The following DENND2A variants were observed in gnomAD, a reference collection of about 807,000 sequenced individuals.
The protein encoded by DENND2A is DENN domain containing 2A.
In DENND2A, 53 loss-of-function variants were observed where a neutral mutation model predicts 105.3. That is an observed-to-expected ratio of 0.50 (90% confidence interval 0.40 to 0.63). The LOEUF (loss-of-function observed/expected upper bound fraction) is 0.63, where lower values mean the gene tolerates loss of function less well. DENND2A is among the 30% of genes least tolerant of loss of function. The probability of loss-of-function intolerance (pLI) is 0.00; values close to 1 mark genes in which losing one functional copy is unlikely to be tolerated. For synonymous variants in DENND2A, 522 were observed against 508.4 expected (o/e 1.03, Z -0.36); for missense variants, 1,138 against 1,279.6 (o/e 0.89, Z 1.69).
At chr7:140,637,138 C>T (rs780826726) in intron 1 of DENND2A, among the ~76,000 whole-genome samples, 21 of 152,064 alleles carry the variant, frequency 1.4e-4, no homozygotes, top group Non-Finnish European at 2.8e-4. Context: ...GCGTAGGCCA[C>T]TGTGCCTGGC....
At chr7:140,619,794 C>T (rs1001229070) in intron 1 of DENND2A, among the ~76,000 whole-genome samples, 2 of 151,956 alleles carry the variant, frequency 1.3e-5, no homozygotes, top group African/African-American at 4.8e-5. Flanking sequence ...GCCACTGCAC[C>T]CAGCCAAAAC....
chr7:140,553,323 A>G (rs552520563), intron 12 of DENND2A, among the ~76,000 whole-genome samples: 3 of 152,352 alleles, frequency 2.0e-5, no homozygotes, highest in African/African-American at 7.2e-5. Context: ...AAACATCTCA[A>G]TGCTTTACAA....
chr7:140,551,084 T>TGA (rs1298521518), intron 12 of DENND2A, among the ~76,000 whole-genome samples: 2 of 151,386 alleles, frequency 1.3e-5, no homozygotes, highest in Non-Finnish European at 2.9e-5. Flanking sequence ...GCAGATCACC[T>TGA]GAGGTCAAGA....
intron 4 of DENND2A, among the ~76,000 whole-genome samples, chr7:140,586,366 AACACACACACACACACACAC>A (rs10524571): frequency 4.3e-5 from 6 of 139,534 alleles, no homozygotes; most frequent in Non-Finnish European, 7.7e-5. Flanking sequence ...TAAAAAAGAA[AACACACACACACACACACAC>A]ACACACACAC....
At position 140,545,471 on chromosome 7, in the gene DENND2A, T is replaced by C. The variant is rs1259795197; in HGVS notation, c.2179-705A>G. Among the ~76,000 whole-genome samples, 4 of 152,098 alleles carry C rather than the reference T, an allele frequency of 2.6e-5. No homozygotes were observed. The East Asian group carries it at 7.7e-4, about 29-fold the overall frequency. On this transcript the variant is annotated intron_variant, in intron 13 of 19. Coordinates refer to ENST00000496613, the MANE Select transcript of DENND2A (RefSeq NM_015689.5). ...GTTTGAGCGATTCTCCTGCCTCAGC[T>C]TCCCAAGTAGCTGAGATTACAGGTG... is the stretch of plus-strand genomic sequence containing the variant.
chr7:140,543,920 G>A (rs1331287141), intron 14 of DENND2A: 2 of 150,128 alleles, frequency 1.3e-5, no homozygotes, highest in Non-Finnish European at 2.9e-5. Flanking sequence ...GAGATGGAAT[G>A]TCATTCTGTT....
chr7:140,538,970 T>G (rs1796548328), intron 14 of DENND2A, among the ~76,000 whole-genome samples: 1 of 151,460 alleles, frequency 6.6e-6, no homozygotes, highest in African/African-American at 2.4e-5. Flanking sequence ...ATTATAGGCG[T>G]GTGCCACCAC....
chr7:140,562,650 A>C (rs546107274), intron 9 of DENND2A, among the ~76,000 whole-genome samples: 1 of 141,328 alleles, frequency 7.1e-6, no homozygotes, highest in Non-Finnish European at 1.5e-5. Context: ...TGACAAAGGG[A>C]GGCTCCGTCT....
intron 6 of DENND2A, among the ~76,000 whole-genome samples, chr7:140,571,004 C>T (rs992911002): frequency 1.3e-5 from 2 of 152,270 alleles, no homozygotes; most frequent in South Asian, 2.1e-4. Context: ...GAATCCCACA[C>T]GTGGAGGAAC....
chr7:140,542,911 T>C lies in DENND2A; in HGVS notation c.2327+1707A>G, dbSNP rs374347931. ...GACAGCTAGGCCTCACCTGTCCCCA[T>C]ATCTATGTAGGATGGCTCCTTTTGC... On this transcript the variant is annotated intron_variant, in intron 14 of 19. Transcript: ENST00000496613. Among the ~76,000 whole-genome samples the C allele has an allele frequency of 9.1e-4, 138 of 152,140 alleles. 4 individuals are homozygous for C. In the South Asian group the frequency reaches 0.022, roughly 24 times the overall value.
intron 3 of DENND2A, among the ~76,000 whole-genome samples, chr7:140,596,855 G>A (rs1799305614): frequency 6.6e-6 from 1 of 152,178 alleles, no homozygotes; most frequent in Non-Finnish European, 1.5e-5. Flanking sequence ...AACTTTTCTT[G>A]TTAAATGTCG....
At chr7:140,633,527 A>G (rs981889569) in intron 1 of DENND2A, among the ~76,000 whole-genome samples, 1 of 152,184 alleles carries the variant, frequency 6.6e-6, no homozygotes, top group Non-Finnish European at 1.5e-5. Context: ...CCTACCATAA[A>G]CTTGCAGAGA....
At chr7:140,633,877 C>T (rs967169086) in intron 1 of DENND2A, among the ~76,000 whole-genome samples, 1 of 152,130 alleles carries the variant, frequency 6.6e-6, no homozygotes, top group African/African-American at 2.4e-5. Context: ...AGTGATCCTC[C>T]CACTTCAGCC....
At chr7:140,567,348 G>T in intron 8 of DENND2A, 75 bp from the exon 9 acceptor site, 1 of 1,231,940 alleles carries the variant, frequency 8.1e-7, no homozygotes, top group Non-Finnish European at 1.1e-6. Flanking sequence ...GAGAGAGACA[G>T]AGTGAGCAAA....
chr7:140,615,051 G>A (rs570484042), intron 1 of DENND2A, among the ~76,000 whole-genome samples: 2 of 151,908 alleles, frequency 1.3e-5, no homozygotes, highest in Admixed American at 6.6e-5. Flanking sequence ...ATTTTTTGTC[G>A]GGACAGTGTT....
At chr7:140,606,438 T>C (rs980015081) in intron 1 of DENND2A, among the ~76,000 whole-genome samples, 9 of 152,198 alleles carry the variant, frequency 5.9e-5, no homozygotes, top group African/African-American at 2.2e-4. Context: ...CCAGTGCTTT[T>C]TTAGGGTCTC....
rs10547556 is a variant in DENND2A, at chr7:140,640,153, GCACACA to G, written c.-248+345_-248+350del. On this transcript the variant is annotated intron_variant, in intron 1 of 19. Transcript: ENST00000496613. This position sits in a 1 kb window ranked among gnomAD's most constrained non-coding sequence, Gnocchi z 4.9. ...CACTCACACACAGACACACAAGCGCGCACACACACACACGCGCGCGCGCGGACACAC... is the reference window on the plus strand; with the variant it reads ...CACTCACACACAGACACACAAGCGCGCACACACGCGCGCGCGCGGACACAC... 11 of 152,432 alleles carry G rather than the reference GCACACA, an allele frequency of 7.2e-5. No homozygotes were observed. The highest frequency in any genetic ancestry group is 2.7e-4 in the African/African-American group (11 of 41,246). The allele number at this position is 152,432 out of a possible 1,614,324, so 9.4% of individuals were successfully genotyped here. A position where few individuals can be genotyped will look rare whatever the true frequency, so the allele number is the denominator to read the frequency against.
chr7:140,567,357 A>T, intron 8 of DENND2A, 84 bp from the exon 9 acceptor site: 1 of 1,204,696 alleles, frequency 8.3e-7, no homozygotes, highest in Non-Finnish European at 1.1e-6. Flanking sequence ...AGAGTGAGCA[A>T]AGAGCCTGAA....
intron 1 of DENND2A, among the ~76,000 whole-genome samples, chr7:140,616,340 C>T (rs1329092054): frequency 1.3e-5 from 2 of 151,932 alleles, no homozygotes; most frequent in African/African-American, 2.4e-5. Context: ...CCAGCCTGGG[C>T]GACAGAGCGA....
Sources: gnomAD v4.1 joint callset for allele counts (sites outside exome capture counted in the v4.1 genomes callset) on GRCh38, gnomAD v4.1.1 for gene constraint, Gnocchi (gnomAD v3.1) non-coding constraint, MANE v1.5 for transcripts, NCBI Gene and HGNC (gene_info 2026-07-23, HGNC 2026-07-21) for gene names.